The following SLC5A4 variants were observed in gnomAD, a reference collection of about 807,000 sequenced individuals.
SLC5A4 encodes the protein solute carrier family 5 member 4.
In SLC5A4, 55 loss-of-function variants were observed where a neutral mutation model predicts 70.3. The ratio of observed to expected loss-of-function variants is 0.78; its 90% confidence interval spans 0.63 to 0.98. The LOEUF (loss-of-function observed/expected upper bound fraction) is 0.98, where lower values mean the gene tolerates loss of function less well. Ranked by LOEUF, SLC5A4 falls within the 50% of genes least tolerant of loss-of-function variation. The pLI, the probability that SLC5A4 is intolerant of heterozygous loss-of-function variation, is 0.00. For synonymous variants in SLC5A4, 268 were observed against 305.7 expected (o/e 0.88, Z 1.29); for missense variants, 735 against 839.2 (o/e 0.88, Z 1.53).
At chr22:32,292,199 ATAT>A in the SLC5A4 span, among the ~76,000 whole-genome samples, 1 of 47,100 alleles carries the variant, frequency 2.1e-5, no homozygotes, top group Non-Finnish European at 3.9e-5. Context: ...TACATACTAG[ATAT>A]TATATAATAT....
At chr22:32,234,532 C>A (rs1043047686) in intron 8 of SLC5A4, among the ~76,000 whole-genome samples, 1 of 152,066 alleles carries the variant, frequency 6.6e-6, no homozygotes, top group African/African-American at 2.4e-5. Context: ...AACCCCGTCT[C>A]TACTGAAAAT....
the SLC5A4 span, among the ~76,000 whole-genome samples, chr22:32,340,260 G>A: frequency 6.6e-6 from 1 of 152,204 alleles, no homozygotes; most frequent in African/African-American, 2.4e-5. Flanking sequence ...TCAACAAATG[G>A]GAGCTACTGT....
intron 11 of SLC5A4, among the ~76,000 whole-genome samples, chr22:32,226,555 T>G (rs946609517): frequency 6.6e-6 from 1 of 152,210 alleles, no homozygotes; most frequent in African/African-American, 2.4e-5. Flanking sequence ...AGCACAAATG[T>G]CTCATTTAAA....
In SLC5A4 at chr22:32,223,101, AT is replaced by A. The variant is rs553869857; in HGVS notation, c.1665+1165del. Among the ~76,000 whole-genome samples the A allele has an allele frequency of 4.1e-3, 617 of 152,138 alleles. 3 individuals are homozygous for A. The highest frequency in any genetic ancestry group is 0.014 in the African/African-American group (584 of 41,514). On this transcript the variant is annotated intron_variant, in intron 13 of 14. Coordinates refer to ENST00000266086, the MANE Select transcript of SLC5A4 (RefSeq NM_014227.3). ...TTTTCCACTTAACCATATTATGAAC[AT>A]TTTTTTCCAAAGTGAATAATAGAGC...
chr22:32,333,796 C>T, the SLC5A4 span, among the ~76,000 whole-genome samples: 1 of 151,474 alleles, frequency 6.6e-6, no homozygotes, highest in Admixed American at 6.6e-5. Context: ...CACCATGCCA[C>T]ACAGATCCAC....
chr22:32,220,582 C>A (rs1398658275), intron 14 of SLC5A4, among the ~76,000 whole-genome samples: 1 of 152,064 alleles, frequency 6.6e-6, no homozygotes, highest in Admixed American at 6.6e-5. Flanking sequence ...AGAGAAAATA[C>A]TGAGAAGTAA....
the SLC5A4 span, among the ~76,000 whole-genome samples, chr22:32,309,367 G>GTGTTT: frequency 6.6e-6 from 1 of 151,920 alleles, no homozygotes; most frequent in Non-Finnish European, 1.5e-5. Flanking sequence ...TTATCCTCTT[G>GTGTTT]TGTTTTTTTG....
At chr22:32,306,804 G>T in the SLC5A4 span, among the ~76,000 whole-genome samples, 3 of 152,166 alleles carry the variant, frequency 2.0e-5, no homozygotes, top group East Asian at 5.8e-4. Flanking sequence ...GACACTGACC[G>T]CTTGGTTATT....
the SLC5A4 span, among the ~76,000 whole-genome samples, chr22:32,274,434 A>T: frequency 2.0e-5 from 3 of 152,180 alleles, no homozygotes; most frequent in Non-Finnish European, 4.4e-5. Context: ...AGATATTATA[A>T]ATTGGCACTG....
chr22:32,220,681 CTG>C lies in SLC5A4; in HGVS notation c.1768+237_1768+238del, dbSNP rs1925023316. ...TAACTAGGAACAGGCGAGTCTGTAA[CTG>C]TCATCTCAGTAACTATGGATGGATG... On this transcript the variant is annotated intron_variant, in intron 14 of 14. Transcript: ENST00000266086. Among the ~76,000 whole-genome samples, 5 of 152,238 alleles carry C rather than the reference CTG, an allele frequency of 3.3e-5. No homozygotes were observed. In the South Asian group the frequency reaches 1.0e-3, roughly 31 times the overall value.
chr22:32,311,299 TGA>T, the SLC5A4 span, among the ~76,000 whole-genome samples: 1 of 152,042 alleles, frequency 6.6e-6, no homozygotes, highest in Non-Finnish European at 1.5e-5. Flanking sequence ...GCAGTCAGTG[TGA>T]GAACACTAGG....
At chr22:32,331,410 G>C in the SLC5A4 span, among the ~76,000 whole-genome samples, 76 of 152,090 alleles carry the variant, frequency 5.0e-4, no homozygotes, top group Non-Finnish European at 4.3e-4. Context: ...AAACTCCCTC[G>C]CGCCCCAGTC....
At chr22:32,224,070 A>T (rs28542297) in intron 13 of SLC5A4, among the ~76,000 whole-genome samples, 197 bp downstream of exon 13, 5 of 151,896 alleles carry the variant, frequency 3.3e-5, no homozygotes, top group African/African-American at 9.7e-5. Context: ...ACAGGTGCCC[A>T]CCACCACACC....
chr22:32,325,640 C>T, the SLC5A4 span, among the ~76,000 whole-genome samples: 6 of 152,222 alleles, frequency 3.9e-5, no homozygotes, highest in Admixed American at 3.3e-4. Flanking sequence ...ATTCTCAAAC[C>T]GGCAAGATTA....
At position 32,254,332 on chromosome 22, in the gene SLC5A4, T is replaced by C. The variant is rs564741700; in HGVS notation, c.136-119A>G. ...CAGCACTCCTACAGAGAGAAACATT[T>C]CGCTGGAAAGTGTTCTATAGCATCA... On this transcript the variant is annotated intron_variant, in intron 1 of 14. Coordinates refer to ENST00000266086, the MANE Select transcript of SLC5A4 (RefSeq NM_014227.3). 6 of 706,530 alleles carry C rather than the reference T, an allele frequency of 8.5e-6. No individual in the cohort carries two copies. The African/African-American group carries it at 1.1e-4, about 13-fold the overall frequency. The allele number at this position is 706,530 out of a possible 1,614,324, so 43.8% of individuals were successfully genotyped here. A position where few individuals can be genotyped will look rare whatever the true frequency, so the allele number is the denominator to read the frequency against.
the SLC5A4 span, among the ~76,000 whole-genome samples, chr22:32,284,358 G>A: frequency 2.4e-4 from 37 of 152,190 alleles, no homozygotes; most frequent in Non-Finnish European, 4.6e-4. Flanking sequence ...TTAGTAGTTC[G>A]AATTGCCAAT....
the SLC5A4 span, among the ~76,000 whole-genome samples, chr22:32,283,220 G>A: frequency 1.3e-5 from 2 of 152,176 alleles, no homozygotes; most frequent in South Asian, 4.1e-4. Flanking sequence ...CAACCTGCCA[G>A]GCACACACCT....
At chr22:32,330,803 GGTGT>G in the SLC5A4 span, among the ~76,000 whole-genome samples, 2 of 130,664 alleles carry the variant, frequency 1.5e-5, no homozygotes, top group Non-Finnish European at 3.3e-5. Flanking sequence ...TGGGGGCTCT[GGTGT>G]GTGTTTTGGG....
chr22:32,336,642 A>C, the SLC5A4 span, among the ~76,000 whole-genome samples: 1 of 152,232 alleles, frequency 6.6e-6, no homozygotes, highest in African/African-American at 2.4e-5. Flanking sequence ...GCCCAGAGAC[A>C]CAAAATCTCC....
Sources: gnomAD v4.1 joint callset for allele counts (sites outside exome capture counted in the v4.1 genomes callset) on GRCh38, gnomAD v4.1.1 for gene constraint, MANE v1.5 for transcripts, NCBI Gene and HGNC (gene_info 2026-07-23, HGNC 2026-07-21) for gene names.